The following TNR variants were observed in gnomAD, a reference collection of about 807,000 sequenced individuals.
The protein encoded by TNR is tenascin R, also known as tenascin-R.
In TNR, 45 loss-of-function variants were observed where a neutral mutation model predicts 150.4. That is an observed-to-expected ratio of 0.30 (90% CI 0.24 to 0.38). The LOEUF is 0.38. TNR is among the 10% of genes least tolerant of loss of function. The pLI, the probability that TNR is intolerant of heterozygous loss-of-function variation, is 1.00. For synonymous variants in TNR, 687 were observed against 678.4 expected (o/e 1.01, Z -0.20); for missense variants, 1,544 against 1,759.1 (o/e 0.88, Z 2.19).
At chr1:175,550,670 A>T (rs1393993831) in intron 1 of TNR, among the ~76,000 whole-genome samples, 1 of 152,136 alleles carries the variant, frequency 6.6e-6, no homozygotes, top group Admixed American at 6.6e-5. Context: ...TACCTCTTTT[A>T]TACTTAAGAC....
chr1:175,632,252 G>A (rs933681073), intron 1 of TNR, among the ~76,000 whole-genome samples: 8 of 152,210 alleles, frequency 5.3e-5, no homozygotes, highest in African/African-American at 1.9e-4. Flanking sequence ...CTTGGCAAAT[G>A]TGATTCTTAG....
intron 2 of TNR, among the ~76,000 whole-genome samples, chr1:175,454,672 A>G (rs1161226930): frequency 6.6e-6 from 1 of 152,016 alleles, no homozygotes; most frequent in Non-Finnish European, 1.5e-5. Context: ...GGGTTTCACC[A>G]TGTTGGCCAG....
At chr1:175,600,695 G>A (rs768981232) in intron 1 of TNR, among the ~76,000 whole-genome samples, 12 of 152,242 alleles carry the variant, frequency 7.9e-5, no homozygotes, top group Non-Finnish European at 1.3e-4. Context: ...GCTCCCTGGC[G>A]TAGTGCTATG....
intron 2 of TNR, among the ~76,000 whole-genome samples, chr1:175,497,974 C>G (rs1247938258): frequency 6.6e-6 from 1 of 152,040 alleles, no homozygotes; most frequent in African/African-American, 2.4e-5. Flanking sequence ...GCAGGAGGAT[C>G]GCTTGAACTC....
At chr1:175,616,314 T>C (rs1207248179) in intron 1 of TNR, among the ~76,000 whole-genome samples, 1 of 152,186 alleles carries the variant, frequency 6.6e-6, no homozygotes, top group Non-Finnish European at 1.5e-5. Flanking sequence ...CCACCTGCCT[T>C]GGCATGCAGG....
chr1:175,343,637 C>T (rs1650632340), intron 18 of TNR, among the ~76,000 whole-genome samples: 1 of 152,198 alleles, frequency 6.6e-6, no homozygotes. Flanking sequence ...AATCATCTGG[C>T]TCTTACCTTA....
At chr1:175,706,879 G>A (rs1307178361) in intron 1 of TNR, among the ~76,000 whole-genome samples, 1 of 152,176 alleles carries the variant, frequency 6.6e-6, no homozygotes, top group Non-Finnish European at 1.5e-5. Context: ...GCAAGAAGTT[G>A]TAGCTTTCTG....
chr1:175,401,797 A>G (rs1401676316), intron 4 of TNR, among the ~76,000 whole-genome samples: 1 of 152,142 alleles, frequency 6.6e-6, no homozygotes, highest in Non-Finnish European at 1.5e-5. Context: ...TTATCAGCAA[A>G]TTCCTAAAAT....
At chr1:175,433,680 G>A (rs1321885749) in intron 2 of TNR, among the ~76,000 whole-genome samples, 1 of 152,176 alleles carries the variant, frequency 6.6e-6, no homozygotes, top group Non-Finnish European at 1.5e-5. Flanking sequence ...AGACTTTGCT[G>A]GCTGTGTTGT....
intron 2 of TNR, among the ~76,000 whole-genome samples, chr1:175,515,914 T>C (rs1659386898): frequency 1.3e-5 from 2 of 152,194 alleles, no homozygotes; most frequent in Non-Finnish European, 2.9e-5. Flanking sequence ...TGAAAAAGTA[T>C]GAAGAAAATA....
intron 18 of TNR, among the ~76,000 whole-genome samples, chr1:175,353,819 T>C (rs1651183949): frequency 6.6e-6 from 1 of 151,142 alleles, no homozygotes; most frequent in Non-Finnish European, 1.5e-5. Context: ...AAACCTGAAC[T>C]GGAAGGAACC....
chr1:175,446,852 T>C (rs917096964), intron 2 of TNR, among the ~76,000 whole-genome samples: 6 of 152,152 alleles, frequency 3.9e-5, no homozygotes, highest in African/African-American at 1.4e-4. Flanking sequence ...TTGTTGTGTG[T>C]ATGTGTGTTC....
At chr1:175,695,342 C>T (rs547066782) in intron 1 of TNR, among the ~76,000 whole-genome samples, 95 of 152,198 alleles carry the variant, frequency 6.2e-4, no homozygotes, top group African/African-American at 2.0e-3. Flanking sequence ...AACAAGCCTG[C>T]GGATTATGGC....
At chr1:175,708,007 CAT>C (rs1491557817) in intron 1 of TNR, among the ~76,000 whole-genome samples, 1 of 133,570 alleles carries the variant, frequency 7.5e-6, no homozygotes, top group Non-Finnish European at 1.5e-5. Context: ...TACAAAGAGC[CAT>C]GTGTGTGTTT....
At chr1:175,720,555 A>C (rs1281174900) in intron 1 of TNR, among the ~76,000 whole-genome samples, 1 of 152,186 alleles carries the variant, frequency 6.6e-6, no homozygotes, top group African/African-American at 2.4e-5. Context: ...AGGAGTTTAC[A>C]CGTAAGTAAA....
At chr1:175,383,980 C>T (rs1488905979) in intron 8 of TNR, among the ~76,000 whole-genome samples, 2 of 152,212 alleles carry the variant, frequency 1.3e-5, no homozygotes, top group Non-Finnish European at 2.9e-5. Flanking sequence ...AACTGAAACT[C>T]ATGGGGAGCT....
chr1:175,594,486 G>A (rs1005564870), intron 1 of TNR, among the ~76,000 whole-genome samples: 1 of 151,936 alleles, frequency 6.6e-6, no homozygotes, highest in Non-Finnish European at 1.5e-5. Flanking sequence ...TTTTGTTTAT[G>A]CATTTAATCA....
intron 2 of TNR, among the ~76,000 whole-genome samples, chr1:175,456,217 G>T (rs1381596759): frequency 1.3e-5 from 2 of 152,148 alleles, no homozygotes; most frequent in Non-Finnish European, 2.9e-5. Context: ...GCTTTGGAAG[G>T]TCACATGACT....
At chr1:175,566,246 G>A (rs1661639353) in intron 1 of TNR, among the ~76,000 whole-genome samples, 1 of 152,212 alleles carries the variant, frequency 6.6e-6, no homozygotes, top group Admixed American at 6.5e-5. Flanking sequence ...CTGGCTGCCA[G>A]CCTTTTACCC....
Sources: allele counts gnomAD v4.1 joint callset (sites outside exome capture counted in the v4.1 genomes callset), GRCh38; gene constraint gnomAD v4.1.1; transcripts MANE v1.5; gene names NCBI Gene and HGNC (gene_info 2026-07-23, HGNC 2026-07-21).